The following SSBP2 variants were observed in gnomAD, a reference collection of about 807,000 sequenced individuals.
SSBP2 encodes single stranded DNA binding protein 2, also known as single-stranded DNA-binding protein 2.
SSBP2 carries 17 observed loss-of-function variants against 61.8 expected under a neutral mutation model. The ratio of observed to expected loss-of-function variants is 0.28; its 90% CI spans 0.19 to 0.41. SSBP2 has a LOEUF of 0.41. Among genes scored for constraint, SSBP2 ranks in the 10% least tolerant of loss-of-function variants. The pLI is 1.00. For synonymous variants in SSBP2, 139 were observed against 141.3 expected (o/e 0.98, Z 0.12); for missense variants, 310 against 458.7 (o/e 0.68, Z 2.96).
intron 1 of SSBP2, among the ~76,000 whole-genome samples, chr5:81,653,129 G>C (rs903385213): frequency 6.6e-6 from 1 of 151,962 alleles, no homozygotes; most frequent in South Asian, 2.1e-4. Flanking sequence ...CCCAGTGTGT[G>C]ATGTTCCCCT....
intron 1 of SSBP2, among the ~76,000 whole-genome samples, chr5:81,725,843 G>A (rs1162383980): frequency 6.6e-6 from 1 of 152,110 alleles, no homozygotes; most frequent in Non-Finnish European, 1.5e-5. Context: ...TATGAAGCAA[G>A]ATCAGCTCTG....
chr5:81,661,357 G>A (rs965279692), intron 1 of SSBP2, among the ~76,000 whole-genome samples: 1 of 152,086 alleles, frequency 6.6e-6, no homozygotes, highest in Admixed American at 6.5e-5. Context: ...TTCATTCCCT[G>A]TGGATATACA....
At chr5:81,588,034 A>G (rs1250192596) in intron 4 of SSBP2, among the ~76,000 whole-genome samples, 1 of 152,126 alleles carries the variant, frequency 6.6e-6, no homozygotes, top group African/African-American at 2.4e-5. Context: ...GCACAATCAC[A>G]GTTCACTGCA....
intron 6 of SSBP2, among the ~76,000 whole-genome samples, chr5:81,479,912 T>C (rs2154030167): frequency 6.6e-6 from 1 of 152,332 alleles, no homozygotes; most frequent in South Asian, 2.1e-4. Context: ...CATTTTCTAA[T>C]GTTAGAACAT....
At chr5:81,745,073 T>C (rs1757269518) in intron 1 of SSBP2, among the ~76,000 whole-genome samples, 1 of 152,152 alleles carries the variant, frequency 6.6e-6, no homozygotes, top group African/African-American at 2.4e-5. Flanking sequence ...AAAATTACCA[T>C]TTACCAATTA....
chr5:81,544,046 T>TCTTC (rs892596630), intron 4 of SSBP2, among the ~76,000 whole-genome samples: 8 of 152,166 alleles, frequency 5.3e-5, no homozygotes, highest in African/African-American at 1.9e-4. Context: ...CACCTTTCTT[T>TCTTC]CTTCCTTCCT....
chr5:81,418,984 T>C lies in SSBP2; in HGVS notation c.*1520A>G, dbSNP rs1192156320. On this transcript the variant is annotated 3_prime_UTR_variant, in exon 17 of 17. Transcript: ENST00000320672. ...GTTGGTATTTATCAATGGTTGTTTG[T>C]ATCACAATTTTAACACAAAGGATCA... The C allele has an allele frequency of 6.6e-6, 1 of 152,218 alleles. No homozygotes were observed. Among genetic ancestry groups the C allele is most frequent in the African/African-American group, 2.4e-5 (1 of 41,460 alleles). The allele number at this position is 152,218 out of a possible 1,614,324, so 9.4% of individuals were successfully genotyped here.
At chr5:81,704,185 A>G (rs1447824130) in intron 1 of SSBP2, among the ~76,000 whole-genome samples, 2 of 152,220 alleles carry the variant, frequency 1.3e-5, no homozygotes, top group Non-Finnish European at 2.9e-5. Context: ...TCACTGAGGC[A>G]TATAATTAAT....
intron 1 of SSBP2, among the ~76,000 whole-genome samples, chr5:81,708,492 T>C (rs1279677773): frequency 6.6e-6 from 1 of 152,102 alleles, no homozygotes; most frequent in African/African-American, 2.4e-5. Context: ...TGCTGACCAA[T>C]GCGTCATGTT....
intron 3 of SSBP2, chr5:81,616,043 T>C (rs1745982754): frequency 6.5e-6 from 1 of 153,002 alleles, no homozygotes; most frequent in African/African-American, 2.4e-5. Flanking sequence ...AATGGTGTTT[T>C]TCCCCACAGT....
At chr5:81,440,354 G>C (rs1014458791) in intron 14 of SSBP2, among the ~76,000 whole-genome samples, 1 of 152,118 alleles carries the variant, frequency 6.6e-6, no homozygotes, top group Non-Finnish European at 1.5e-5. Context: ...ATATGAACTA[G>C]AACAATTCTC....
At chr5:81,479,633 T>C (rs1384496373) in intron 6 of SSBP2, among the ~76,000 whole-genome samples, 5 of 151,906 alleles carry the variant, frequency 3.3e-5, no homozygotes, top group Non-Finnish European at 7.4e-5. Context: ...CAGAAAAAAA[T>C]AACACTAATG....
chr5:81,615,826 T>C (rs1745957756), intron 3 of SSBP2, among the ~76,000 whole-genome samples: 1 of 152,218 alleles, frequency 6.6e-6, no homozygotes, highest in Non-Finnish European at 1.5e-5. Flanking sequence ...ACTGGCTGTT[T>C]ACATGATATA....
In SSBP2 at chr5:81,444,485, T is replaced by G. The variant is rs370320175; in HGVS notation, c.779-1762A>C. On this transcript the variant is annotated intron_variant, in intron 12 of 16. Transcript: ENST00000320672. ...TCCATTATAGGAATACTTTACTGCT[T>G]TATTCGTTCCTCCTGCTTCCAACTA... 8.9e-4 allele frequency among the ~76,000 whole-genome samples: 136 copies of G among 152,308 alleles called. 1 individual carries two copies. Among genetic ancestry groups the G allele is most frequent in the African/African-American group, 3.2e-3 (132 of 41,560 alleles).
At chr5:81,532,953 ACATTTCT>A in intron 4 of SSBP2, among the ~76,000 whole-genome samples, 1 of 151,966 alleles carries the variant, frequency 6.6e-6, no homozygotes. Context: ...AGAGATTTTA[ACATTTCT>A]CTCTCAACAA....
intron 6 of SSBP2, among the ~76,000 whole-genome samples, chr5:81,474,900 T>G (rs1292820392): frequency 6.6e-6 from 1 of 152,156 alleles, no homozygotes; most frequent in Non-Finnish European, 1.5e-5. Context: ...AAATAACTAA[T>G]TTTGCTTCTT....
chr5:81,545,541 A>C (rs11740689), intron 4 of SSBP2, among the ~76,000 whole-genome samples: 50,735 of 152,088 alleles, frequency 0.33, 8,915 homozygotes, highest in African/African-American at 0.45. Flanking sequence ...GCTGTTAACA[A>C]ACCAAGTTCT....
At chr5:81,699,211 G>T (rs1753794873) in intron 1 of SSBP2, among the ~76,000 whole-genome samples, 1 of 152,172 alleles carries the variant, frequency 6.6e-6, no homozygotes, top group Admixed American at 6.5e-5. Context: ...GATGTTGATG[G>T]CTATGGGCTG....
chr5:81,536,389 G>A (rs1398039629), intron 4 of SSBP2, among the ~76,000 whole-genome samples: 1 of 152,082 alleles, frequency 6.6e-6, no homozygotes, highest in Non-Finnish European at 1.5e-5. Context: ...TGTCATGGGG[G>A]TTCGTTGTAC....
Sources: gnomAD v4.1 joint callset for allele counts (sites outside exome capture counted in the v4.1 genomes callset) on GRCh38, gnomAD v4.1.1 for gene constraint, MANE v1.5 for transcripts, NCBI Gene and HGNC (gene_info 2026-07-23, HGNC 2026-07-21) for gene names.